The following GDA variants were observed in gnomAD, a reference collection of about 807,000 sequenced individuals.
The protein encoded by GDA is cytoplasmic PSD-95 interactor.
GDA carries 18 observed loss-of-function variants against 59.6 expected under a neutral mutation model. The ratio of observed to expected loss-of-function variants is 0.30; its 90% CI spans 0.21 to 0.45. The LOEUF is 0.45. Ranked by LOEUF, GDA falls within the 20% of genes least tolerant of loss-of-function variation. The pLI is 1.00. For synonymous variants in GDA, 201 were observed against 201.1 expected, an observed-to-expected ratio of 1.00 and a Z score of 0.00; for missense variants, 427 against 552.3, an observed-to-expected ratio of 0.77 and a Z score of 2.27.
intron 7 of GDA, 150 bp downstream of exon 7, chr9:72,223,377 G>A (rs1386555703): frequency 1.8e-6 from 1 of 567,316 alleles, no homozygotes; most frequent in Non-Finnish European, 3.1e-6. Context: ...TAACAGGAGA[G>A]AAAGGACCCC....
intron 2 of GDA, among the ~76,000 whole-genome samples, chr9:72,200,287 T>G (rs192114764): frequency 6.6e-6 from 1 of 151,868 alleles, no homozygotes; most frequent in Non-Finnish European, 1.5e-5. Context: ...TGAGCCACCG[T>G]GCCCAGCCTC....
At position 72,248,303 on chromosome 9, in the gene GDA, G is replaced by C. The variant is rs550157967; in HGVS notation, c.1326G>C (p.Val442=). 1.7e-5 allele frequency: 28 copies of C among 1,612,956 alleles called. No individual in the cohort carries two copies. In the South Asian group the frequency reaches 2.9e-4, roughly 16 times the overall value. The change falls in exon 14 of 14, where the codon GTG becomes GTC. Residue 442 remains valine, a synonymous_variant. Coordinates refer to ENST00000358399, the MANE Select transcript of GDA (RefSeq NM_004293.5). ...GDDRNIEEVY[V]GGKQVVPFSS... ...ATCGAAATATTGAAGAGGTTTATGT[G>C]GGCGGAAAGCAGGTGGTTCCGTTTT...
At chr9:72,144,004 T>A (rs1390846765) in intron 1 of GDA, among the ~76,000 whole-genome samples, 1 of 152,176 alleles carries the variant, frequency 6.6e-6, no homozygotes, top group Non-Finnish European at 1.5e-5. Context: ...AATGGATCAC[T>A]TGAGGCCAGA....
At chr9:72,132,039 A>G (rs539159149) in intron 1 of GDA, among the ~76,000 whole-genome samples, 73 of 152,324 alleles carry the variant, frequency 4.8e-4, no homozygotes, top group Middle Eastern at 6.8e-3. Flanking sequence ...AAACCATCAG[A>G]TCTTATGAGA....
At chr9:72,145,609 GC>G (rs1286248031), upstream of GDA, among the ~76,000 whole-genome samples, 2 of 152,286 alleles carry the variant, frequency 1.3e-5, no homozygotes, top group African/African-American at 4.8e-5. Flanking sequence ...AGCTAATCAT[GC>G]TATGGTCTAG....
In GDA at chr9:72,209,692, G is replaced by A. The variant is rs116282529; in HGVS notation, c.385-995G>A. ...TCATACTGTGATGCTATAAGGTGCT[G>A]ACTGGAATTTCTGGGTGGAGGTATC... is the stretch of plus-strand genomic sequence containing the variant. On this transcript the variant is annotated intron_variant, in intron 3 of 13. Coordinates refer to ENST00000358399, the MANE Select transcript of GDA (RefSeq NM_004293.5). 9.1e-3 allele frequency among the ~76,000 whole-genome samples: 1,389 copies of A among 152,232 alleles called. 17 individuals carry two copies. The highest frequency in any genetic ancestry group is 0.032 in the African/African-American group (1,330 of 41,534).
In GDA at chr9:72,248,922, G is replaced by A. The variant is rs909786308; in HGVS notation, c.*580G>A. The A allele has an allele frequency of 1.0e-6, 1 of 985,804 alleles. No homozygotes were observed. The highest frequency in any genetic ancestry group is 1.7e-5 in the African/African-American group (1 of 57,216). The allele number at this position is 985,804 out of a possible 1,614,324, so 61.1% of individuals were successfully genotyped here. On this transcript the variant is annotated 3_prime_UTR_variant, in exon 14 of 14. Transcript: ENST00000358399. ...TGTGTTTTAGAAATTTGCACTTAAT[G>A]GAATTTGCATTTCAGAGATGTGTTA...
In GDA at chr9:72,248,258, G is replaced by A; in HGVS notation, c.1295-14G>A. On this transcript the variant is annotated splice_polypyrimidine_tract_variant and intron_variant, in intron 13 of 13. Coordinates refer to ENST00000358399, the MANE Select transcript of GDA (RefSeq NM_004293.5). ...AAAAGGATTTTATACATGATTCCTTGATTTTTCTTTCAGGAGATGATCGAA... is the reference window on the plus strand; with the variant it reads ...AAAAGGATTTTATACATGATTCCTTAATTTTTCTTTCAGGAGATGATCGAA... The A allele has an allele frequency of 1.3e-6, 2 of 1,577,812 alleles. No individual in the cohort carries two copies. The highest frequency in any genetic ancestry group is 1.7e-6 in the Non-Finnish European group (2 of 1,147,060).
At position 72,162,909 on chromosome 9, in the gene GDA, G is replaced by A. The variant is rs568106916; in HGVS notation, c.123+13227G>A. ...CCTGACCTCGTGATCCGCCCGCCTC[G>A]GCCTCCCAAAGTGCTGGGATTACAG... On this transcript the variant is annotated intron_variant, in intron 1 of 13. Coordinates refer to ENST00000358399, the MANE Select transcript of GDA (RefSeq NM_004293.5). Among the ~76,000 whole-genome samples the A allele has an allele frequency of 2.8e-3, 428 of 152,204 alleles. 5 individuals are homozygous for A. The highest frequency in any genetic ancestry group is 2.9e-3 in the Non-Finnish European group (196 of 68,002).
chr9:72,207,153 C>T (rs891535495), intron 3 of GDA, among the ~76,000 whole-genome samples: 5 of 152,046 alleles, frequency 3.3e-5, no homozygotes, highest in African/African-American at 1.2e-4. Flanking sequence ...TTCTTCAATT[C>T]ATTCTCTTTA....
At chr9:72,214,104 C>A (rs1835779434) in intron 5 of GDA, 113 bp downstream of exon 5, 1 of 648,734 alleles carries the variant, frequency 1.5e-6, no homozygotes, top group Non-Finnish European at 2.8e-6. Context: ...TTGGGATGTG[C>A]ACATAGTGAC....
chr9:72,240,699 A>G (rs1839512853), intron 10 of GDA, among the ~76,000 whole-genome samples: 1 of 152,190 alleles, frequency 6.6e-6, no homozygotes, highest in Non-Finnish European at 1.5e-5. Context: ...GGAGAAGAGA[A>G]GAAGGCTATT....
chr9:72,174,395 C>T (rs922526108), intron 1 of GDA, among the ~76,000 whole-genome samples: 1 of 152,212 alleles, frequency 6.6e-6, no homozygotes, highest in African/African-American at 2.4e-5. Flanking sequence ...AAGAATTTTA[C>T]ATATACTGTC....
chr9:72,122,597 T>G (rs947431964), intron 1 of GDA, among the ~76,000 whole-genome samples: 1 of 151,808 alleles, frequency 6.6e-6, no homozygotes, highest in Non-Finnish European at 1.5e-5. Context: ...CTTCTTTATC[T>G]CTTATTTTCA....
chr9:72,203,106 A>G (rs538198190), intron 3 of GDA, among the ~76,000 whole-genome samples: 1 of 152,306 alleles, frequency 6.6e-6, no homozygotes, highest in African/African-American at 2.4e-5. Context: ...TGACCTTTGC[A>G]AAGTTATGTG....
chr9:72,212,446 C>T (rs1398289406), intron 4 of GDA, among the ~76,000 whole-genome samples: 2 of 151,700 alleles, frequency 1.3e-5, no homozygotes, highest in African/African-American at 4.9e-5. Context: ...TGTGCCACTG[C>T]ACTCCAGCCT....
At chr9:72,191,464 G>A (rs1185960492) in intron 1 of GDA, among the ~76,000 whole-genome samples, 1 of 151,430 alleles carries the variant, frequency 6.6e-6, no homozygotes, top group Non-Finnish European at 1.5e-5. Context: ...AGAAAGTAAA[G>A]GGAAGGCTCT....
At chr9:72,158,972 G>A (rs1828278533) in intron 1 of GDA, among the ~76,000 whole-genome samples, 1 of 152,100 alleles carries the variant, frequency 6.6e-6, no homozygotes, top group Non-Finnish European at 1.5e-5. Flanking sequence ...GCAAATAAGT[G>A]GCAAAGGCAA....
chr9:72,202,124 T>C (rs1405075513), intron 2 of GDA, among the ~76,000 whole-genome samples: 1 of 152,238 alleles, frequency 6.6e-6, no homozygotes, highest in Admixed American at 6.5e-5. Flanking sequence ...AGCCAGTCTG[T>C]TTCTCACCTT....
Sources: gnomAD v4.1 joint callset for allele counts (sites outside exome capture counted in the v4.1 genomes callset) on GRCh38, gnomAD v4.1.1 for gene constraint, MANE v1.5 for transcripts, NCBI Gene and HGNC (gene_info 2026-07-23, HGNC 2026-07-21) for gene names.